Variants in NRG3 observed in about 807,000 individuals in gnomAD.
NRG3 encodes the protein pro-neuregulin-3, membrane-bound isoform.
A neutral mutation model predicts 66.9 loss-of-function variants in NRG3; 31 were observed. The observed-to-expected ratio is 0.46, with a 90% CI of 0.35 to 0.63. The LOEUF (loss-of-function observed/expected upper bound fraction) is 0.63, where lower values mean the gene tolerates loss of function less well. Among genes scored for constraint, NRG3 ranks in the 20% least tolerant of loss-of-function variants. The pLI, the probability that NRG3 is intolerant of heterozygous loss-of-function variation, is 0.00. For synonymous variants in NRG3, 393 were observed against 359.4 expected (o/e 1.09, Z -1.06); for missense variants, 910 against 878.9 (o/e 1.04, Z -0.45).
At chr10:82,775,795 T>A (rs1215998514) in intron 3 of NRG3, among the ~76,000 whole-genome samples, 2 of 152,150 alleles carry the variant, frequency 1.3e-5, no homozygotes, top group Non-Finnish European at 2.9e-5. Flanking sequence ...TTATGTTCAT[T>A]AATATTGGCT....
chr10:81,973,267 C>A (rs1250185277), intron 1 of NRG3, among the ~76,000 whole-genome samples: 1 of 152,200 alleles, frequency 6.6e-6, no homozygotes, highest in Non-Finnish European at 1.5e-5. Context: ...GTATAACATT[C>A]CATGGTGTAT....
intron 5 of NRG3, 81 bp downstream of exon 5, chr10:82,951,652 C>G: frequency 2.1e-5 from 25 of 1,179,210 alleles, no homozygotes; most frequent in Non-Finnish European, 2.8e-5. Context: ...AGTCTGTGTG[C>G]CACACAGAGG....
intron 2 of NRG3, among the ~76,000 whole-genome samples, chr10:82,541,809 C>T (rs1338980837): frequency 6.6e-6 from 1 of 152,176 alleles, no homozygotes; most frequent in Non-Finnish European, 1.5e-5. Flanking sequence ...TAAAGAGGGT[C>T]TGGGAACTGC....
chr10:82,040,973 T>C lies in NRG3; in HGVS notation c.823+164810T>C, dbSNP rs2063006575. On this transcript the variant is annotated intron_variant, in intron 1 of 8. Transcript: ENST00000372141. ...TTTGTTAGAAAACTCAGTGTTATGA[T>C]GTATCATTTAGAGTTAACAGGTAAA... 3.3e-5 allele frequency among the ~76,000 whole-genome samples: 5 copies of C among 152,230 alleles called. 1 individual carries two copies. The South Asian group carries it at 1.0e-3, about 32-fold the overall frequency.
At chr10:82,628,858 A>C (rs927520202) in intron 2 of NRG3, among the ~76,000 whole-genome samples, 1 of 152,190 alleles carries the variant, frequency 6.6e-6, no homozygotes, top group Non-Finnish European at 1.5e-5. Context: ...GTGCAGGATA[A>C]ACAAGAGAAA....
chr10:82,732,363 C>A (rs1343187357), intron 2 of NRG3, among the ~76,000 whole-genome samples: 2 of 152,048 alleles, frequency 1.3e-5, no homozygotes, highest in Non-Finnish European at 2.9e-5. Context: ...GGTGTTAGTT[C>A]ATGATATTTG....
At chr10:82,723,896 C>T (rs2057444620) in intron 2 of NRG3, among the ~76,000 whole-genome samples, 2 of 152,068 alleles carry the variant, frequency 1.3e-5, no homozygotes, top group Admixed American at 1.3e-4. Context: ...AGGAGAATCA[C>T]TTGAACCTGG....
intron 2 of NRG3, among the ~76,000 whole-genome samples, chr10:82,733,283 A>C (rs1169791576): frequency 1.3e-5 from 2 of 152,252 alleles, no homozygotes; most frequent in Non-Finnish European, 2.9e-5. Flanking sequence ...TTTTGTAGAT[A>C]CAGAGTATAA....
intron 2 of NRG3, among the ~76,000 whole-genome samples, chr10:82,521,441 C>A (rs376048363): frequency 1.3e-5 from 2 of 151,860 alleles, no homozygotes; most frequent in Non-Finnish European, 2.9e-5. Flanking sequence ...CCCGGGTTCA[C>A]GCCATTCTCC....
At chr10:82,539,715 C>T (rs1276085916) in intron 2 of NRG3, among the ~76,000 whole-genome samples, 1 of 152,006 alleles carries the variant, frequency 6.6e-6, no homozygotes, top group Non-Finnish European at 1.5e-5. Flanking sequence ...CTCATTGCAA[C>T]CTCCACCTCC....
intron 4 of NRG3, among the ~76,000 whole-genome samples, chr10:82,948,464 C>T (rs548374380): frequency 3.5e-4 from 53 of 152,106 alleles, no homozygotes; most frequent in Non-Finnish European, 6.5e-4. Flanking sequence ...ACAAGAACAA[C>T]AAAAACAAAA....
intron 2 of NRG3, among the ~76,000 whole-genome samples, chr10:82,437,222 CT>C (rs1045359337): frequency 6.6e-6 from 1 of 151,866 alleles, no homozygotes; most frequent in Non-Finnish European, 1.5e-5. Context: ...TTCTTGGAGG[CT>C]TTTTTCATTC....
At chr10:82,721,598 T>C (rs1468662488) in intron 2 of NRG3, among the ~76,000 whole-genome samples, 1 of 152,016 alleles carries the variant, frequency 6.6e-6, no homozygotes, top group East Asian at 1.9e-4. Flanking sequence ...AATTTTTGTA[T>C]TTTTAGCAGA....
intron 2 of NRG3, among the ~76,000 whole-genome samples, chr10:82,579,509 A>G (rs929612519): frequency 6.6e-6 from 1 of 151,922 alleles, no homozygotes; most frequent in African/African-American, 2.4e-5. Context: ...TCACAATTCC[A>G]TTCGTATGTC....
intron 4 of NRG3, among the ~76,000 whole-genome samples, chr10:82,938,112 T>A (rs534832625): frequency 7.2e-5 from 11 of 152,156 alleles, no homozygotes; most frequent in Non-Finnish European, 1.5e-4. Context: ...ATTGACTGAT[T>A]GATTGATTGG....
chr10:82,367,059 T>C (rs2135700224), intron 2 of NRG3, among the ~76,000 whole-genome samples: 1 of 152,328 alleles, frequency 6.6e-6, no homozygotes, highest in South Asian at 2.1e-4. Flanking sequence ...TTGCTTTGGA[T>C]ATGTAGCTTT....
At chr10:82,957,041 C>T (rs1321651865) in intron 5 of NRG3, among the ~76,000 whole-genome samples, 1 of 151,982 alleles carries the variant, frequency 6.6e-6, no homozygotes, top group Non-Finnish European at 1.5e-5. Flanking sequence ...GCAGCAAGTG[C>T]TGGTGAATTG....
chr10:81,960,146 A>G (rs79954734), intron 1 of NRG3, among the ~76,000 whole-genome samples: 1 of 152,022 alleles, frequency 6.6e-6, no homozygotes, highest in African/African-American at 2.4e-5. Flanking sequence ...CCTTCTTCAC[A>G]TTGTTCACTT....
intron 2 of NRG3, among the ~76,000 whole-genome samples, chr10:82,363,891 A>G (rs1201778266): frequency 2.0e-5 from 3 of 152,210 alleles, no homozygotes; most frequent in Non-Finnish European, 4.4e-5. Flanking sequence ...ACATTGAATG[A>G]ATTTTCACAG....
Sources: allele counts gnomAD v4.1 joint callset (sites outside exome capture counted in the v4.1 genomes callset), GRCh38; gene constraint gnomAD v4.1.1; transcripts MANE v1.5; gene names NCBI Gene and HGNC (gene_info 2026-07-23, HGNC 2026-07-21).